Variants in MED12L observed in about 807,000 individuals in gnomAD.
The protein encoded by MED12L is mediator complex subunit 12L.
MED12L carries 60 observed loss-of-function variants against 281.3 expected under a neutral mutation model. The observed-to-expected ratio is 0.21, with a 90% CI of 0.17 to 0.26. The LOEUF (loss-of-function observed/expected upper bound fraction) is 0.26, where lower values mean the gene tolerates loss of function less well. MED12L is among the 10% of genes least tolerant of loss of function. The probability of loss-of-function intolerance (pLI) is 1.00; values close to 1 mark genes in which losing one functional copy is unlikely to be tolerated. For synonymous variants in MED12L, 974 were observed against 987.2 expected (o/e 0.99, Z 0.25); for missense variants, 2,146 against 2,680.9 (o/e 0.80, Z 4.41).
At chr3:151,097,364 C>T (rs1333911421) in intron 2 of MED12L, among the ~76,000 whole-genome samples, 1 of 152,214 alleles carries the variant, frequency 6.6e-6, no homozygotes, top group Non-Finnish European at 1.5e-5. Flanking sequence ...CTTACTATAA[C>T]ATATGCATGC....
At chr3:151,269,904 G>A (rs577908921) in intron 16 of MED12L, 10 of 457,456 alleles carry the variant, frequency 2.2e-5, no homozygotes, top group Admixed American at 7.3e-5. Flanking sequence ...TTTACTGACC[G>A]TTCTGATGCA....
At chr3:151,210,984 GA>G (rs1018441717) in intron 16 of MED12L, among the ~76,000 whole-genome samples, 1 of 152,220 alleles carries the variant, frequency 6.6e-6, no homozygotes, top group Non-Finnish European at 1.5e-5. Flanking sequence ...TCTACAAAAG[GA>G]CCTGGCAAGT....
At chr3:151,171,545 T>C (rs1433868397) in intron 11 of MED12L, among the ~76,000 whole-genome samples, 1 of 152,206 alleles carries the variant, frequency 6.6e-6, no homozygotes, top group Non-Finnish European at 1.5e-5. Flanking sequence ...AGCATGTGTG[T>C]TTCCTCCTTC....
At chr3:151,123,522 T>C (rs886677168) in intron 4 of MED12L, among the ~76,000 whole-genome samples, 33 of 152,176 alleles carry the variant, frequency 2.2e-4, no homozygotes, top group African/African-American at 8.0e-4. Context: ...TTTTAAAATC[T>C]TTGCCTTTGG....
At chr3:151,334,001 C>G (rs980060882) in intron 16 of MED12L, among the ~76,000 whole-genome samples, 1 of 151,950 alleles carries the variant, frequency 6.6e-6, no homozygotes, top group East Asian at 1.9e-4. Context: ...TGCTTGTACC[C>G]GGGAGGCGGA....
chr3:151,194,384 C>T (rs907518569), intron 16 of MED12L, among the ~76,000 whole-genome samples: 1 of 152,104 alleles, frequency 6.6e-6, no homozygotes, highest in Non-Finnish European at 1.5e-5. Context: ...AGACAAATGT[C>T]AGCAAGAATT....
At chr3:151,087,071 A>C (rs953990025) in intron 2 of MED12L, 46 bp downstream of exon 2, 6 of 1,488,440 alleles carry the variant, frequency 4.0e-6, no homozygotes, top group Non-Finnish European at 4.6e-6. Context: ...CGCGCTCTGC[A>C]GCACTGACCC....
chr3:151,382,646 C>G lies in MED12L; in HGVS notation c.4591-10C>G. 1 of 1,591,864 alleles carries G rather than the reference C, an allele frequency of 6.3e-7. No individual in the cohort carries two copies. The highest frequency in any genetic ancestry group is 8.5e-7 in the Non-Finnish European group (1 of 1,170,066). On this transcript the variant is annotated splice_polypyrimidine_tract_variant and intron_variant, in intron 32 of 44. Coordinates refer to ENST00000687756, the MANE Select transcript of MED12L (RefSeq NM_001393769.1). Reference sequence around the variant, plus strand: ...TAAACTTTAATGGGGAGTTTTTTTCCGGATCTTAGATTTTAAGTAACTGGA... The same window carrying G: ...TAAACTTTAATGGGGAGTTTTTTTCGGGATCTTAGATTTTAAGTAACTGGA...
intron 11 of MED12L, among the ~76,000 whole-genome samples, chr3:151,179,557 TA>T (rs1156996504): frequency 6.6e-6 from 1 of 151,898 alleles, no homozygotes; most frequent in Non-Finnish European, 1.5e-5. Context: ...GAGGATGGGG[TA>T]CTGTAATTAC....
chr3:151,155,238 C>T (rs1045762609), intron 5 of MED12L, among the ~76,000 whole-genome samples: 1 of 152,104 alleles, frequency 6.6e-6, no homozygotes, highest in South Asian at 2.1e-4. Flanking sequence ...TTTGCTAATC[C>T]TTGGGGAAAT....
At chr3:151,156,588 A>C (rs914261736) in intron 6 of MED12L, among the ~76,000 whole-genome samples, 15 of 152,242 alleles carry the variant, frequency 9.9e-5, no homozygotes, top group African/African-American at 3.6e-4. Flanking sequence ...TAATTGCACT[A>C]TTAAATGTAA....
chr3:151,328,276 G>A (rs780197468), intron 16 of MED12L: 13 of 1,613,816 alleles, frequency 8.1e-6, no homozygotes, highest in South Asian at 1.1e-5. Context: ...AGACAGCCAC[G>A]ACAACAAATA....
At chr3:151,237,045 C>CTT (rs56926535) in intron 16 of MED12L, among the ~76,000 whole-genome samples, 2,527 of 125,792 alleles carry the variant, frequency 0.02, 107 homozygotes, top group African/African-American at 0.07. Flanking sequence ...TGATGCCAAA[C>CTT]TTTTTTTTTT....
rs1719835517 is a variant in MED12L at position 151,434,172 on chromosome 3, C to T, written c.*1368C>T. On this transcript the variant is annotated 3_prime_UTR_variant, in exon 45 of 45. Transcript: ENST00000687756. ...CATATGATTTTACATATAATATAGT[C>T]AAGCATACTGTGAATAGACTTGTCT... is the stretch of plus-strand genomic sequence containing the variant. 1 of 152,144 alleles carries T rather than the reference C, an allele frequency of 6.6e-6. No individual in the cohort carries two copies. Among genetic ancestry groups the T allele is most frequent in the African/African-American group, 2.4e-5 (1 of 41,418 alleles). The allele number at this position is 152,144 out of a possible 1,614,324, so 9.4% of individuals were successfully genotyped here.
At chr3:151,166,744 C>T (rs1194227254) in intron 11 of MED12L, among the ~76,000 whole-genome samples, 3 of 151,650 alleles carry the variant, frequency 2.0e-5, no homozygotes, top group Non-Finnish European at 2.9e-5. Flanking sequence ...GGTGCAATCT[C>T]GGCTCACTGC....
At chr3:151,260,094 T>C (rs1375973607) in intron 16 of MED12L, among the ~76,000 whole-genome samples, 1 of 152,172 alleles carries the variant, frequency 6.6e-6, no homozygotes, top group Non-Finnish European at 1.5e-5. Context: ...TGGGTGGGAC[T>C]GGGGACACCA....
chr3:151,329,483 T>G (rs1451516284), intron 16 of MED12L: 2 of 1,542,870 alleles, frequency 1.3e-6, no homozygotes, highest in Non-Finnish European at 8.8e-7. Context: ...AAATTCACCT[T>G]TGGGAGGATA....
At chr3:151,258,357 C>A (rs145904283) in intron 16 of MED12L, among the ~76,000 whole-genome samples, 1 of 152,236 alleles carries the variant, frequency 6.6e-6, no homozygotes, top group East Asian at 1.9e-4. Flanking sequence ...TTAGTACTTT[C>A]TAATGTGGTC....
intron 16 of MED12L, among the ~76,000 whole-genome samples, chr3:151,220,634 C>A (rs920127871): frequency 6.6e-6 from 1 of 152,186 alleles, no homozygotes; most frequent in African/African-American, 2.4e-5. Context: ...GTTTTAAAAA[C>A]GAGAGTTGCC....
Sources: allele counts gnomAD v4.1 joint callset (sites outside exome capture counted in the v4.1 genomes callset), GRCh38; gene constraint gnomAD v4.1.1; transcripts MANE v1.5; gene names NCBI Gene and HGNC (gene_info 2026-07-23, HGNC 2026-07-21).